The following CADM2 variants were observed in gnomAD, a reference collection of about 807,000 sequenced individuals.
The protein encoded by CADM2 is cell adhesion molecule 2, also known as immunoglobulin superfamily member 4D.
A neutral mutation model predicts 49.8 loss-of-function variants in CADM2; 12 were observed. That is an observed-to-expected ratio of 0.24 (90% CI 0.15 to 0.39). The LOEUF (loss-of-function observed/expected upper bound fraction) is 0.39, where lower values mean the gene tolerates loss of function less well. Among genes scored for constraint, CADM2 ranks in the 10% least tolerant of loss-of-function variants. The pLI, the probability that CADM2 is intolerant of heterozygous loss-of-function variation, is 1.00. For synonymous variants in CADM2, 214 were observed against 175.4 expected, an observed-to-expected ratio of 1.22 and a Z score of -1.74; for missense variants, 378 against 492.3, an observed-to-expected ratio of 0.77 and a Z score of 2.20.
intron 1 of CADM2, among the ~76,000 whole-genome samples, chr3:85,010,711 C>T (rs1011663141): frequency 3.3e-5 from 5 of 151,554 alleles, no homozygotes; most frequent in African/African-American, 4.9e-5. Flanking sequence ...ATGTCATATG[C>T]GCCTTAGGTG....
chr3:85,772,028 T>C (rs1201705260), intron 2 of CADM2, among the ~76,000 whole-genome samples: 1 of 136,448 alleles, frequency 7.3e-6, no homozygotes, highest in East Asian at 2.3e-4. Context: ...TTTTTTTTTT[T>C]GGTACGTGTA....
At chr3:85,494,730 T>C (rs2039816707) in intron 1 of CADM2, among the ~76,000 whole-genome samples, 1 of 152,196 alleles carries the variant, frequency 6.6e-6, no homozygotes, top group Admixed American at 6.5e-5. Context: ...ATAATTGTGC[T>C]GTGTGTGTGC....
intron 1 of CADM2, among the ~76,000 whole-genome samples, chr3:85,634,368 A>G (rs1350422408): frequency 6.6e-6 from 1 of 152,054 alleles, no homozygotes; most frequent in Non-Finnish European, 1.5e-5. Context: ...TGAACTGAAG[A>G]CATTGCCTAG....
intron 1 of CADM2, among the ~76,000 whole-genome samples, chr3:85,067,103 T>C (rs2036554205): frequency 6.6e-6 from 1 of 152,166 alleles, no homozygotes. Flanking sequence ...TTAAAAAATG[T>C]TGTACTCTAC....
intron 2 of CADM2, among the ~76,000 whole-genome samples, chr3:85,740,721 C>T (rs2068345175): frequency 6.6e-6 from 1 of 152,130 alleles, no homozygotes; most frequent in Non-Finnish European, 1.5e-5. Flanking sequence ...CAGCTGGCTC[C>T]CTTCAATTAA....
At chr3:86,050,435 C>T (rs1737200263) in intron 8 of CADM2, among the ~76,000 whole-genome samples, 1 of 152,146 alleles carries the variant, frequency 6.6e-6, no homozygotes. Context: ...ATCTACCATT[C>T]TGGGATCTGG....
At chr3:85,479,362 T>A (rs2039114951) in intron 1 of CADM2, among the ~76,000 whole-genome samples, 1 of 151,934 alleles carries the variant, frequency 6.6e-6, no homozygotes, top group Non-Finnish European at 1.5e-5. Context: ...TAAGCCACTT[T>A]CAGTGCCTAT....
chr3:85,764,952 A>G (rs924607349), intron 2 of CADM2, among the ~76,000 whole-genome samples: 1 of 151,916 alleles, frequency 6.6e-6, no homozygotes, highest in Non-Finnish European at 1.5e-5. Context: ...TGGACTACTG[A>G]TTTATTCTGT....
intron 1 of CADM2, among the ~76,000 whole-genome samples, chr3:85,155,162 A>G (rs2040067344): frequency 6.7e-6 from 1 of 150,204 alleles, no homozygotes; most frequent in South Asian, 2.1e-4. Flanking sequence ...ATAAACAGTC[A>G]AGACCCATCA....
intron 1 of CADM2, among the ~76,000 whole-genome samples, chr3:85,259,617 T>C (rs2107885677): frequency 6.6e-6 from 1 of 152,268 alleles, no homozygotes; most frequent in African/African-American, 2.4e-5. Context: ...TGAATAAATG[T>C]GGTAGCTCAT....
At chr3:85,773,530 T>C (rs2107963105) in intron 2 of CADM2, among the ~76,000 whole-genome samples, 1 of 152,214 alleles carries the variant, frequency 6.6e-6, no homozygotes, top group South Asian at 2.1e-4. Context: ...ATTTGTATAA[T>C]CAATATACCA....
At chr3:85,658,923 G>A (rs1033068748) in intron 1 of CADM2, among the ~76,000 whole-genome samples, 6 of 150,892 alleles carry the variant, frequency 4.0e-5, no homozygotes, top group Non-Finnish European at 5.9e-5. Context: ...ACAGTGGTGT[G>A]CACCTGTAGT....
At chr3:85,906,454 G>A (rs1394366987) in intron 5 of CADM2, among the ~76,000 whole-genome samples, 4 of 152,052 alleles carry the variant, frequency 2.6e-5, no homozygotes, top group Admixed American at 6.6e-5. Context: ...GACCTTTTCA[G>A]ATCTATTAAG....
At chr3:85,266,788 T>C (rs989562370) in intron 1 of CADM2, among the ~76,000 whole-genome samples, 2 of 151,816 alleles carry the variant, frequency 1.3e-5, no homozygotes, top group African/African-American at 2.4e-5. Context: ...AAGTTCTAGA[T>C]TAGTTTTGAA....
chr3:85,607,267 G>T (rs181122398), intron 1 of CADM2, among the ~76,000 whole-genome samples: 6 of 152,226 alleles, frequency 3.9e-5, no homozygotes, highest in African/African-American at 1.4e-4. Context: ...CATAAATGAT[G>T]AATAAATACA....
intron 1 of CADM2, among the ~76,000 whole-genome samples, chr3:85,129,483 T>C (rs1386005899): frequency 1.3e-5 from 2 of 152,224 alleles, no homozygotes; most frequent in Non-Finnish European, 2.9e-5. Flanking sequence ...ATAAAAATAT[T>C]CTGAAACTTT....
At chr3:85,450,688 A>G (rs1278113113) in intron 1 of CADM2, among the ~76,000 whole-genome samples, 4 of 143,940 alleles carry the variant, frequency 2.8e-5, no homozygotes, top group African/African-American at 1.0e-4. Flanking sequence ...CTGACTAAAG[A>G]TTCACTGACA....
chr3:84,976,785 T>C (rs547856393), intron 1 of CADM2, among the ~76,000 whole-genome samples: 2 of 152,096 alleles, frequency 1.3e-5, no homozygotes, highest in East Asian at 3.9e-4. Context: ...GCATAGCCAC[T>C]GACTATTAGT....
intron 3 of CADM2, among the ~76,000 whole-genome samples, chr3:85,868,919 A>T (rs889794401): frequency 1.3e-5 from 2 of 151,850 alleles, no homozygotes; most frequent in Non-Finnish European, 2.9e-5. Flanking sequence ...TTTTAATTGG[A>T]TCGTTTATTG....
Sources: gnomAD v4.1 joint callset for allele counts (sites outside exome capture counted in the v4.1 genomes callset) on GRCh38, gnomAD v4.1.1 for gene constraint, MANE v1.5 for transcripts, NCBI Gene and HGNC (gene_info 2026-07-23, HGNC 2026-07-21) for gene names.